DNAI4: variants seen among roughly 807,000 people sequenced by gnomAD.
The protein encoded by DNAI4 is dynein axonemal intermediate chain 4.
Under a neutral mutation model 105.8 loss-of-function variants are expected in DNAI4, and 85 were observed. That is an observed-to-expected ratio of 0.80 (90% CI 0.67 to 0.96). The LOEUF is 0.96. Ranked by LOEUF, DNAI4 falls within the 40% of genes least tolerant of loss-of-function variation. The pLI is 0.00. For missense variants in DNAI4, 1,014 were observed against 1,005.6 expected (o/e 1.01, Z -0.11); for synonymous variants, 352 against 331.5 (o/e 1.06, Z -0.67).
intron 16 of DNAI4, among the ~76,000 whole-genome samples, chr1:66,815,618 TC>T (rs1371085046): frequency 6.6e-6 from 1 of 152,184 alleles, no homozygotes; most frequent in African/African-American, 2.4e-5. Context: ...CAGGAGTGAT[TC>T]TCTACAGGCT....
At chr1:66,900,959 T>A (rs1648770100) in intron 2 of DNAI4, among the ~76,000 whole-genome samples, 1 of 152,232 alleles carries the variant, frequency 6.6e-6, no homozygotes, top group South Asian at 2.1e-4. Flanking sequence ...ACTTGTCTTG[T>A]TCCTGATCAT....
chr1:66,892,950 G>GAAGAAAGAAAGAAAGAAGA, intron 3 of DNAI4, among the ~76,000 whole-genome samples: 1 of 91,974 alleles, frequency 1.1e-5, no homozygotes, highest in East Asian at 2.7e-4. Context: ...AGAAGAAAGA[G>GAAGAAAGAAAGAAAGAAGA]AAGAAAGAAA....
chr1:66,920,414 G>A (rs1442750165), intron 1 of DNAI4, among the ~76,000 whole-genome samples: 1 of 152,166 alleles, frequency 6.6e-6, no homozygotes, highest in Non-Finnish European at 1.5e-5. Flanking sequence ...GAGTGTGGGT[G>A]CAAAAGGCTG....
chr1:66,827,947 T>A, intron 13 of DNAI4, 37 bp from the exon 14 acceptor site: 2 of 1,300,568 alleles, frequency 1.5e-6, no homozygotes, highest in Non-Finnish European at 2.2e-6. Flanking sequence ...TGGCTTGTGA[T>A]ACATTAGTAA....
chr1:66,892,772 TG>T (rs1035502476), intron 3 of DNAI4, among the ~76,000 whole-genome samples: 3 of 148,202 alleles, frequency 2.0e-5, no homozygotes, highest in Non-Finnish European at 3.0e-5. Context: ...CCAGGTGTAG[TG>T]GGGGGGCGCC....
At chr1:66,828,075 A>G (rs1645792306) in intron 13 of DNAI4, 165 bp from the exon 14 acceptor site, 1 of 424,836 alleles carries the variant, frequency 2.4e-6, no homozygotes, top group African/African-American at 2.0e-5. Context: ...ATGATTTTGT[A>G]ATAATCAAAC....
chr1:66,874,137 A>G (rs940669173), intron 5 of DNAI4, among the ~76,000 whole-genome samples: 2 of 151,926 alleles, frequency 1.3e-5, no homozygotes, highest in Admixed American at 6.6e-5. Flanking sequence ...AGAGCGGAAC[A>G]AGAAAAATTA....
At chr1:66,871,715 C>T (rs72671678) in intron 5 of DNAI4, among the ~76,000 whole-genome samples, 20,249 of 152,078 alleles carry the variant, frequency 0.13, 1,412 homozygotes, top group Middle Eastern at 0.21. Context: ...TTCCCAACAT[C>T]CCTACTACTA....
intron 7 of DNAI4, among the ~76,000 whole-genome samples, chr1:66,856,126 C>T (rs946889586): frequency 6.6e-6 from 1 of 151,744 alleles, no homozygotes; most frequent in African/African-American, 2.4e-5. Flanking sequence ...TAAACCACCA[C>T]ACCTGGCAAA....
chr1:66,862,392 A>C, intron 6 of DNAI4, 90 bp from the exon 7 acceptor site: 1 of 1,365,126 alleles, frequency 7.3e-7, no homozygotes, highest in Non-Finnish European at 1.0e-6. Flanking sequence ...AAAAGCTAAG[A>C]TAAGAATATC....
chr1:66,813,871 A>G lies in DNAI4; in HGVS notation c.*259T>C, dbSNP rs573641525. 103 of 346,192 alleles carry G rather than the reference A, an allele frequency of 3.0e-4. No individual in the cohort carries two copies. Among genetic ancestry groups the G allele is most frequent in the African/African-American group, 2.0e-3 (94 of 47,228 alleles). The allele number at this position is 346,192 out of a possible 1,614,324, so 21.4% of individuals were successfully genotyped here. A position where few individuals can be genotyped will look rare whatever the true frequency, so the allele number is the denominator to read the frequency against. On this transcript the variant is annotated 3_prime_UTR_variant, in exon 17 of 17. Coordinates refer to ENST00000371026, the MANE Select transcript of DNAI4 (RefSeq NM_024763.5). The stretch of plus-strand genomic sequence containing the variant: ...TAAGAATGTACATGTACTCATATGT[A>G]CTTAGAATATGATCAAGAGAGTAGG...
Position 66,844,084 on chromosome 1 carries a change from C to A in DNAI4, c.1291+3400G>T, listed in dbSNP as rs369622130. On this transcript the variant is annotated intron_variant, in intron 8 of 16. Transcript: ENST00000371026. The stretch of plus-strand genomic sequence containing the variant: ...AATGGTGCTGAAACAACTGGAGATT[C>A]AAAAAAAAAAAAAAAAAAAAAAACT... Among the ~76,000 whole-genome samples, 501 of 66,296 alleles carry A rather than the reference C, an allele frequency of 7.6e-3. 2 individuals carry two copies. The highest frequency in any genetic ancestry group is 0.036 in the Middle Eastern group (2 of 56). The allele number at this position is 66,296 out of a possible 152,430, so 43.5% of individuals were successfully genotyped here. A position where few individuals can be genotyped will look rare whatever the true frequency, so the allele number is the denominator to read the frequency against.
At chr1:66,902,755 C>G (rs1187188676) in intron 2 of DNAI4, among the ~76,000 whole-genome samples, 1 of 152,208 alleles carries the variant, frequency 6.6e-6, no homozygotes, top group African/African-American at 2.4e-5. Context: ...TCATTCTTTT[C>G]CATGTGGATA....
intron 7 of DNAI4, among the ~76,000 whole-genome samples, chr1:66,851,419 A>G (rs1025022703): frequency 1.3e-5 from 2 of 152,006 alleles, no homozygotes; most frequent in African/African-American, 2.4e-5. Context: ...CAGCAAGGGT[A>G]TATATGAACT....
At chr1:66,847,906 C>T in intron 7 of DNAI4, 1 of 478,868 alleles carries the variant, frequency 2.1e-6, no homozygotes. Flanking sequence ...AGAAGATAGG[C>T]AATGATAACC....
intron 3 of DNAI4, 108 bp downstream of exon 3, chr1:66,893,121 G>GAA (rs1352348435): frequency 1.1e-5 from 6 of 527,560 alleles, no homozygotes; most frequent in Admixed American, 3.4e-5. Flanking sequence ...AAGAAAGAAA[G>GAA]AAACTGGGAG....
chr1:66,903,276 G>C (rs6674678), intron 2 of DNAI4, among the ~76,000 whole-genome samples: 2,443 of 152,206 alleles, frequency 0.016, 69 homozygotes, highest in African/African-American at 0.057. Flanking sequence ...TTATCCCTAA[G>C]TATTTCATTA....
Position 66,813,624 on chromosome 1 carries a change from G to A in DNAI4, c.*506C>T, listed in dbSNP as rs964070505. 3 of 152,216 alleles carry A rather than the reference G, an allele frequency of 2.0e-5. No individual in the cohort carries two copies. The highest frequency in any genetic ancestry group is 3.4e-3 in the Middle Eastern group (1 of 294). 9.4% of individuals were successfully genotyped at this position (152,216 alleles called of 1,614,324 possible). On this transcript the variant is annotated 3_prime_UTR_variant, in exon 17 of 17. Transcript: ENST00000371026. ...TAGTCTAACAAAGTTCTATAGCTTCGGCTCTTAGATCTAAGAGGATAAAAT... is the reference window on the plus strand; with the variant it reads ...TAGTCTAACAAAGTTCTATAGCTTCAGCTCTTAGATCTAAGAGGATAAAAT...
chr1:66,823,186 G>A (rs371908965), intron 15 of DNAI4, among the ~76,000 whole-genome samples: 40 of 137,670 alleles, frequency 2.9e-4, no homozygotes, highest in Admixed American at 1.7e-3. Flanking sequence ...GCGATAGTTT[G>A]CTGAGAATGA....
Sources: gnomAD v4.1 joint callset for allele counts (sites outside exome capture counted in the v4.1 genomes callset) on GRCh38, gnomAD v4.1.1 for gene constraint, MANE v1.5 for transcripts, NCBI Gene and HGNC (gene_info 2026-07-23, HGNC 2026-07-21) for gene names.